Variants in EPB41L4A observed in about 807,000 individuals in gnomAD.
EPB41L4A encodes the protein band 4.1-like protein 4A.
In EPB41L4A, 100 loss-of-function variants were observed where a neutral mutation model predicts 108.6. The ratio of observed to expected loss-of-function variants is 0.92; its 90% CI spans 0.78 to 1.09. EPB41L4A has a LOEUF of 1.09. Ranked by LOEUF, EPB41L4A falls within the 50% of genes least tolerant of loss-of-function variation. EPB41L4A has a pLI of 0.00. For missense variants in EPB41L4A, 1,030 were observed against 842.7 expected (o/e 1.22, Z -2.75); for synonymous variants, 319 against 289.0 (o/e 1.10, Z -1.05).
At chr5:112,302,657 T>C (rs911727585) in intron 2 of EPB41L4A, among the ~76,000 whole-genome samples, 1 of 152,196 alleles carries the variant, frequency 6.6e-6, no homozygotes, top group African/African-American at 2.4e-5. Flanking sequence ...GCTCTCCAGG[T>C]AGACTGTGGT....
chr5:112,312,354 C>T (rs1755106508), intron 1 of EPB41L4A, among the ~76,000 whole-genome samples: 1 of 152,186 alleles, frequency 6.6e-6, no homozygotes, highest in Admixed American at 6.5e-5. Flanking sequence ...GCTGCAAATG[C>T]TTTGCAAATA....
intron 1 of EPB41L4A, among the ~76,000 whole-genome samples, chr5:112,398,611 A>T (rs377158176): frequency 2.1e-4 from 32 of 151,862 alleles, no homozygotes; most frequent in African/African-American, 7.7e-4. Context: ...CTGGTCTCAA[A>T]CTCCTGAGCT....
At chr5:112,161,220 T>C, downstream of EPB41L4A, 1 of 277,542 alleles carries the variant, frequency 3.6e-6, no homozygotes, top group South Asian at 3.3e-5. Context: ...CCGTATAAAA[T>C]AACTTAAAAG....
rs1373545747 is a variant in EPB41L4A at position 112,204,436 on chromosome 5, T to C, written c.1315A>G (p.Thr439Ala). 6.2e-7 allele frequency: 1 copy of C among 1,613,798 alleles called. No individual in the cohort carries two copies. The highest frequency in any genetic ancestry group is 8.5e-7 in the Non-Finnish European group (1 of 1,179,920). ...CCACAGGAGGGGTTTCGGCGACGCG[T>C]GTAAGGGAACTTTGGCGACTTAGTG... ...DRTKSPKFPYTRRRNPSCGSD... is the reference protein window; with the variant it reads ...DRTKSPKFPYARRRNPSCGSD... Residue 439 changes from threonine (T) to alanine (A), a missense_variant, in exon 15 of 23, where the codon ACG (threonine) becomes GCG (alanine). Thr to Ala is a moderately conservative substitution (Grantham distance 58). Transcript: ENST00000261486.
chr5:112,379,940 G>A (rs147233000), intron 1 of EPB41L4A, among the ~76,000 whole-genome samples: 11 of 152,220 alleles, frequency 7.2e-5, no homozygotes, highest in South Asian at 4.1e-4. Context: ...AATTTAAGAC[G>A]ACTATTTTAA....
intron 4 of EPB41L4A, among the ~76,000 whole-genome samples, 163 bp from the exon 5 acceptor site, chr5:112,266,493 A>T (rs1455440732): frequency 2.0e-5 from 3 of 152,170 alleles, no homozygotes; most frequent in African/African-American, 7.2e-5. Context: ...AACTACTTAA[A>T]CATACCTTAC....
chr5:112,244,811 G>A (rs1750089409), intron 9 of EPB41L4A, among the ~76,000 whole-genome samples: 1 of 152,112 alleles, frequency 6.6e-6, no homozygotes, highest in South Asian at 2.1e-4. Flanking sequence ...AGCTTGCAGG[G>A]TGCTCTTTGT....
intron 1 of EPB41L4A, among the ~76,000 whole-genome samples, chr5:112,366,128 G>A (rs926320564): frequency 6.6e-6 from 1 of 152,056 alleles, no homozygotes; most frequent in Non-Finnish European, 1.5e-5. Flanking sequence ...AAGGAGCAAG[G>A]CATTCTTGTC....
chr5:112,304,616 TAC>T (rs1335289789), intron 2 of EPB41L4A, among the ~76,000 whole-genome samples: 2 of 152,222 alleles, frequency 1.3e-5, no homozygotes, highest in African/African-American at 2.4e-5. Flanking sequence ...TTTAAGAATC[TAC>T]AGTTTATTTA....
chr5:112,195,308 A>G (rs911757741), intron 16 of EPB41L4A, among the ~76,000 whole-genome samples: 3 of 152,044 alleles, frequency 2.0e-5, no homozygotes, highest in Admixed American at 2.0e-4. Flanking sequence ...CTGTCATCTG[A>G]CCACAGCCTC....
chr5:112,166,406 C>A (rs1430618376), intron 22 of EPB41L4A, among the ~76,000 whole-genome samples: 2 of 152,206 alleles, frequency 1.3e-5, no homozygotes, highest in African/African-American at 4.8e-5. Context: ...GTGTTATCTG[C>A]CTTTCCCCTC....
intron 1 of EPB41L4A, 127 bp from the exon 2 acceptor site, chr5:112,307,617 CTCTG>C (rs1754780729): frequency 1.9e-6 from 1 of 519,148 alleles, no homozygotes; most frequent in Non-Finnish European, 3.3e-6. Context: ...CATGGTTCTT[CTCTG>C]TAAGTTGTGC....
At chr5:112,331,186 G>C (rs1238485610) in intron 1 of EPB41L4A, among the ~76,000 whole-genome samples, 1 of 152,148 alleles carries the variant, frequency 6.6e-6, no homozygotes, top group African/African-American at 2.4e-5. Flanking sequence ...CTAATGGAGG[G>C]CATGGAGGGA....
intron 1 of EPB41L4A, among the ~76,000 whole-genome samples, chr5:112,369,319 A>C (rs1176114940): frequency 6.6e-6 from 1 of 152,170 alleles, no homozygotes; most frequent in Non-Finnish European, 1.5e-5. Flanking sequence ...GTCTCCTAAC[A>C]CAGCTTCCTG....
intron 1 of EPB41L4A, among the ~76,000 whole-genome samples, chr5:112,308,666 A>G (rs946371222): frequency 6.6e-6 from 1 of 152,178 alleles, no homozygotes; most frequent in Non-Finnish European, 1.5e-5. Flanking sequence ...TTCTGCAATA[A>G]TCACAATGCC....
chr5:112,391,692 C>A (rs1030337652), intron 1 of EPB41L4A, among the ~76,000 whole-genome samples: 2 of 152,102 alleles, frequency 1.3e-5, no homozygotes, highest in Non-Finnish European at 2.9e-5. Flanking sequence ...CCCAACCTAG[C>A]AAGGCAGGTC....
At chr5:112,172,943 AT>A (rs2150208573) in intron 18 of EPB41L4A, among the ~76,000 whole-genome samples, 1 of 152,300 alleles carries the variant, frequency 6.6e-6, no homozygotes, top group African/African-American at 2.4e-5. Context: ...GCATTGTAGC[AT>A]GATCAGTAGC....
chr5:112,360,484 G>A (rs181085819), intron 1 of EPB41L4A, among the ~76,000 whole-genome samples: 1,560 of 152,306 alleles, frequency 0.01, 17 homozygotes, highest in African/African-American at 0.036. Context: ...CATGTTGGCC[G>A]GGCTGGTCTC....
At chr5:112,240,937 A>T (rs540028405) in intron 9 of EPB41L4A, 127 bp from the exon 10 acceptor site, 82 of 571,044 alleles carry the variant, frequency 1.4e-4, no homozygotes, top group Non-Finnish European at 2.4e-4. Context: ...ATAAATAATA[A>T]CTGTCTCTTG....
Sources: gnomAD v4.1 joint callset for allele counts (sites outside exome capture counted in the v4.1 genomes callset) on GRCh38, gnomAD v4.1.1 for gene constraint, MANE v1.5 for transcripts, NCBI Gene and HGNC (gene_info 2026-07-23, HGNC 2026-07-21) for gene names.